PPARGC1B: variants seen among roughly 807,000 people sequenced by gnomAD.
The protein encoded by PPARGC1B is PPARG coactivator 1 beta.
A neutral mutation model predicts 101.6 loss-of-function variants in PPARGC1B; 34 were observed. The observed-to-expected ratio is 0.33, with a 90% CI of 0.25 to 0.45. PPARGC1B has a LOEUF of 0.45. PPARGC1B is among the 20% of genes least tolerant of loss of function. The pLI, the probability that PPARGC1B is intolerant of heterozygous loss-of-function variation, is 1.00. For synonymous variants in PPARGC1B, 548 were observed against 539.3 expected, an observed-to-expected ratio of 1.02 and a Z score of -0.22; for missense variants, 1,234 against 1,317.6, an observed-to-expected ratio of 0.94 and a Z score of 0.98.
intron 10 of PPARGC1B, among the ~76,000 whole-genome samples, chr5:149,842,996 C>T (rs749847467): frequency 3.9e-5 from 6 of 152,122 alleles, no homozygotes; most frequent in Admixed American, 6.5e-5. Context: ...GGTGAAACCC[C>T]GTCTCTACTG....
At chr5:149,805,238 A>G (rs915226271) in intron 1 of PPARGC1B, among the ~76,000 whole-genome samples, 2 of 152,208 alleles carry the variant, frequency 1.3e-5, no homozygotes, top group African/African-American at 4.8e-5. Flanking sequence ...CCTGAGTGGT[A>G]AATACCATGG....
chr5:149,754,627 C>T (rs1373266489), intron 1 of PPARGC1B, among the ~76,000 whole-genome samples: 1 of 152,080 alleles, frequency 6.6e-6, no homozygotes, highest in Non-Finnish European at 1.5e-5. Flanking sequence ...TCTGGTTAAA[C>T]AGGTAGGCAG....
At chr5:149,785,753 G>A (rs1756779919) in intron 1 of PPARGC1B, among the ~76,000 whole-genome samples, 1 of 152,128 alleles carries the variant, frequency 6.6e-6, no homozygotes, top group Non-Finnish European at 1.5e-5. Context: ...GTGACTGTCA[G>A]AGGCTGGTGG....
intron 1 of PPARGC1B, among the ~76,000 whole-genome samples, chr5:149,755,736 A>G (rs1755497413): frequency 6.6e-6 from 1 of 151,030 alleles, no homozygotes; most frequent in African/African-American, 2.4e-5. Context: ...CTCTGCCTCC[A>G]GGGTTCAAGC....
chr5:149,762,187 C>T (rs1385470187), intron 1 of PPARGC1B, among the ~76,000 whole-genome samples: 5 of 142,860 alleles, frequency 3.5e-5, no homozygotes, highest in Non-Finnish European at 7.5e-5. Flanking sequence ...TGGAGTCTGT[C>T]TCCTGGGCAG....
At chr5:149,830,030 C>CAAAAA (rs60711433) in intron 3 of PPARGC1B, among the ~76,000 whole-genome samples, 41 of 34,236 alleles carry the variant, frequency 1.2e-3, no homozygotes, top group East Asian at 1.4e-3. Flanking sequence ...GACTGCATCT[C>CAAAAA]AAAAAAAAAA....
In PPARGC1B at chr5:149,832,460, C is replaced by T. The variant is rs1758830778; in HGVS notation, c.583-196C>T. 1.3e-5 allele frequency among the ~76,000 whole-genome samples: 2 copies of T among 152,152 alleles called. No individual in the cohort carries two copies. The highest frequency in any genetic ancestry group is 2.9e-5 in the Non-Finnish European group (2 of 68,032). ...CTGGGAGAGCTGTTAGGAGGCTGGTCTTTCCTTCATTCCTCATCCACTGAG... is the reference window on the plus strand; with the variant it reads ...CTGGGAGAGCTGTTAGGAGGCTGGTTTTTCCTTCATTCCTCATCCACTGAG... On this transcript the variant is annotated intron_variant, in intron 4 of 11. Transcript: ENST00000309241. This position sits in a 1 kb window ranked among gnomAD's most constrained non-coding sequence, Gnocchi z 4.9.
chr5:149,825,989 G>A (rs1218756948), intron 2 of PPARGC1B, among the ~76,000 whole-genome samples: 1 of 152,188 alleles, frequency 6.6e-6, no homozygotes. Context: ...CTAGTCCTCA[G>A]CAGTAACCTT....
intron 1 of PPARGC1B, among the ~76,000 whole-genome samples, chr5:149,774,227 C>T (rs1756262648): frequency 6.6e-6 from 1 of 152,106 alleles, no homozygotes. Flanking sequence ...GTCCCCTGTT[C>T]CCCCCTAGTG....
At chr5:149,750,872 G>A (rs1432095944) in intron 1 of PPARGC1B, among the ~76,000 whole-genome samples, 1 of 152,208 alleles carries the variant, frequency 6.6e-6, no homozygotes, top group African/African-American at 2.4e-5. Flanking sequence ...GCCTGGCCAG[G>A]CTTCAGCCTG....
intron 1 of PPARGC1B, among the ~76,000 whole-genome samples, chr5:149,809,440 C>CGTAGATAGATAGATAGATAG (rs779860877): frequency 1.2e-5 from 1 of 82,876 alleles, no homozygotes; most frequent in African/African-American, 4.3e-5. Flanking sequence ...CCATCTCTAC[C>CGTAGATAGATAGATAGATAG]ATAGATAGAT....
chr5:149,779,682 C>G (rs1203694020), intron 1 of PPARGC1B, among the ~76,000 whole-genome samples: 2 of 152,184 alleles, frequency 1.3e-5, no homozygotes, highest in Non-Finnish European at 2.9e-5. Flanking sequence ...ACTTTTGAGA[C>G]TACCTGGCAA....
chr5:149,815,603 G>A (rs1192960633), intron 1 of PPARGC1B, among the ~76,000 whole-genome samples: 2 of 151,994 alleles, frequency 1.3e-5, no homozygotes, highest in Non-Finnish European at 2.9e-5. Context: ...TTGCTCTGTC[G>A]CCCAGGCTGG....
intron 1 of PPARGC1B, among the ~76,000 whole-genome samples, chr5:149,734,466 T>G (rs560818277): frequency 5.9e-5 from 9 of 152,208 alleles, no homozygotes; most frequent in East Asian, 1.9e-4. Flanking sequence ...AATATTCTAC[T>G]TAGTATCTTA....
At chr5:149,781,990 T>TA (rs1231241829) in intron 1 of PPARGC1B, among the ~76,000 whole-genome samples, 4 of 152,094 alleles carry the variant, frequency 2.6e-5, no homozygotes, top group Admixed American at 1.3e-4. Context: ...TTAAGGGGAA[T>TA]ATGTGCATTG....
intron 1 of PPARGC1B, among the ~76,000 whole-genome samples, chr5:149,816,107 T>C (rs2113341693): frequency 6.6e-6 from 1 of 152,346 alleles, no homozygotes; most frequent in South Asian, 2.1e-4. Flanking sequence ...CTTGAAGCAC[T>C]CCTTCAAAAG....
intron 1 of PPARGC1B, chr5:149,817,520 G>T (rs1554079792): frequency 2.9e-6 from 1 of 339,852 alleles, no homozygotes; most frequent in Non-Finnish European, 5.8e-6. Context: ...TTTGTTTCCT[G>T]TTATCTTCCA....
chr5:149,820,093 C>T (rs7729592), intron 1 of PPARGC1B, among the ~76,000 whole-genome samples: 10,428 of 152,126 alleles, frequency 0.069, 491 homozygotes, highest in Admixed American at 0.14. Context: ...TAAGTGGGGA[C>T]ATATGTGTAA....
intron 1 of PPARGC1B, among the ~76,000 whole-genome samples, chr5:149,783,767 T>C (rs925739020): frequency 2.0e-5 from 3 of 152,170 alleles, no homozygotes; most frequent in Non-Finnish European, 4.4e-5. Context: ...TGATGGTCTG[T>C]TATTCCTGTT....
Sources: gnomAD v4.1 joint callset for allele counts (sites outside exome capture counted in the v4.1 genomes callset) on GRCh38, gnomAD v4.1.1 for gene constraint, Gnocchi (gnomAD v3.1) non-coding constraint, MANE v1.5 for transcripts, NCBI Gene and HGNC (gene_info 2026-07-23, HGNC 2026-07-21) for gene names.